Variants in MYOZ2 observed in about 807,000 individuals in gnomAD.
MYOZ2 encodes the protein myozenin 2.
Under a neutral mutation model 25.4 loss-of-function variants are expected in MYOZ2, and 19 were observed. That is an observed-to-expected ratio of 0.75 (90% CI 0.52 to 1.10). MYOZ2 has a LOEUF of 1.10. MYOZ2 is among the 50% of genes least tolerant of loss of function. The pLI is 0.00. For synonymous variants in MYOZ2, 92 were observed against 106.9 expected (o/e 0.86, Z 0.86); for missense variants, 270 against 317.9 (o/e 0.85, Z 1.15).
In MYOZ2 at chr4:119,187,178, C is replaced by A. The variant is rs953080206; in HGVS notation, c.*978C>A. The A allele has an allele frequency of 1.3e-5, 2 of 152,068 alleles. No homozygotes were observed. The highest frequency in any genetic ancestry group is 4.8e-5 in the African/African-American group (2 of 41,400). 9.4% of individuals were successfully genotyped at this position (152,068 alleles called of 1,614,324 possible). On this transcript the variant is annotated 3_prime_UTR_variant, in exon 6 of 6. Coordinates refer to ENST00000307128, the MANE Select transcript of MYOZ2 (RefSeq NM_016599.5). ...TATCTGAAAGCAATGTAGCACATAT[C>A]TATCGTAATATATGTAATATATTGA... is the stretch of plus-strand genomic sequence containing the variant.
intron 2 of MYOZ2, among the ~76,000 whole-genome samples, chr4:119,145,313 G>A (rs891268854): frequency 1.5e-5 from 2 of 134,800 alleles, no homozygotes; most frequent in African/African-American, 5.7e-5. Flanking sequence ...ATATTGTTTT[G>A]TAATTTTTTC....
rs1349408042 is a variant in MYOZ2, at chr4:119,158,146, C to A, written c.371C>A (p.Ala124Asp). 2.5e-6 allele frequency: 4 copies of A among 1,614,050 alleles called. No homozygotes were observed. Among genetic ancestry groups the A allele is most frequent in the Non-Finnish European group, 3.4e-6 (4 of 1,179,964 alleles). Residue 124 changes from alanine to aspartate, a missense_variant, in exon 4 of 6, where the codon GCT (alanine) becomes GAT (aspartate). By Grantham distance (126) the Ala-to-Asp change is moderately radical. Transcript: ENST00000307128. ...AGCCCTCCAAATCCAGACAACATTG[C>A]TCCAGGTAACCAATCCCCTTACCAA... ...PRSPPNPDNI[A>D]PGYSGPLKEI... is the part of the protein sequence containing the mutation.
chr4:119,178,904 G>A (rs1742133378), intron 5 of MYOZ2, among the ~76,000 whole-genome samples: 1 of 152,170 alleles, frequency 6.6e-6, no homozygotes, highest in African/African-American at 2.4e-5. Context: ...ACCGTGCCCG[G>A]CTATTCAGTC....
chr4:119,175,050 A>G (rs2149228251), intron 5 of MYOZ2, among the ~76,000 whole-genome samples: 1 of 152,106 alleles, frequency 6.6e-6, no homozygotes, highest in South Asian at 2.1e-4. Context: ...AGAAGGAACA[A>G]ACTCCAGACA....
intron 2 of MYOZ2, among the ~76,000 whole-genome samples, chr4:119,139,901 TG>T (rs5861413): frequency 1.3e-5 from 2 of 152,036 alleles, no homozygotes; most frequent in East Asian, 3.9e-4. Context: ...TCCTCATGAC[TG>T]GGCAACAGCT....
chr4:119,145,779 A>T (rs1741279337), intron 2 of MYOZ2, among the ~76,000 whole-genome samples: 1 of 152,132 alleles, frequency 6.6e-6, no homozygotes, highest in African/African-American at 2.4e-5. Context: ...AGATTATGTG[A>T]CATTGGTGAT....
chr4:119,184,427 A>G (rs1205657211), intron 5 of MYOZ2, among the ~76,000 whole-genome samples: 1 of 152,220 alleles, frequency 6.6e-6, no homozygotes, highest in Non-Finnish European at 1.5e-5. Context: ...TACTTTAGCC[A>G]TACTGTACAT....
At chr4:119,152,399 G>C (rs1741476075) in intron 3 of MYOZ2, among the ~76,000 whole-genome samples, 1 of 152,020 alleles carries the variant, frequency 6.6e-6, no homozygotes, top group South Asian at 2.1e-4. Context: ...GCTTACGGAA[G>C]TCTTTGAAAA....
In MYOZ2 at chr4:119,186,231, T is replaced by G; in HGVS notation, c.*31T>G. The G allele has an allele frequency of 6.4e-7, 1 of 1,569,296 alleles. No homozygotes were observed. Among genetic ancestry groups the G allele is most frequent in the Non-Finnish European group, 8.8e-7 (1 of 1,141,164 alleles). ...AAGTTGTATGTGCCACATAAAACTC[T>G]GAATATAAAAGTTGCTGTTCTACTA... is the stretch of plus-strand genomic sequence containing the variant. On this transcript the variant is annotated 3_prime_UTR_variant, in exon 6 of 6. Transcript: ENST00000307128.
intron 5 of MYOZ2, among the ~76,000 whole-genome samples, chr4:119,171,309 G>A (rs1010220380): frequency 9.9e-5 from 15 of 151,904 alleles, no homozygotes; most frequent in Admixed American, 3.9e-4. Context: ...AAAGGTCATC[G>A]TTAATAGTTA....
At chr4:119,162,593 G>A (rs1377049744) in intron 4 of MYOZ2, among the ~76,000 whole-genome samples, 1 of 152,198 alleles carries the variant, frequency 6.6e-6, no homozygotes, top group East Asian at 1.9e-4. Flanking sequence ...AGATTTGTAT[G>A]AGAGTTTGTT....
intron 4 of MYOZ2, among the ~76,000 whole-genome samples, chr4:119,159,296 T>G (rs1430185751): frequency 6.6e-6 from 1 of 151,900 alleles, no homozygotes; most frequent in African/African-American, 2.4e-5. Context: ...CAAAAAAGAA[T>G]TAAGCCCAGA....
At chr4:119,161,009 T>C (rs1310082849) in intron 4 of MYOZ2, among the ~76,000 whole-genome samples, 4 of 152,072 alleles carry the variant, frequency 2.6e-5, no homozygotes, top group Non-Finnish European at 5.9e-5. Flanking sequence ...TGTCTAGCTA[T>C]AATTTTGCAT....
intron 5 of MYOZ2, among the ~76,000 whole-genome samples, chr4:119,183,080 T>G (rs550953236): frequency 1.1e-4 from 16 of 152,148 alleles, no homozygotes; most frequent in Non-Finnish European, 1.2e-4. Flanking sequence ...TTTTAAATAA[T>G]CACAATATTA....
At chr4:119,150,844 T>A (rs1278878941) in intron 2 of MYOZ2, 28 bp from the exon 3 acceptor site, 4 of 1,607,636 alleles carry the variant, frequency 2.5e-6, no homozygotes, top group Non-Finnish European at 3.4e-6. Context: ...ACCTTGGGAT[T>A]TTTACTCATA....
intron 5 of MYOZ2, among the ~76,000 whole-genome samples, chr4:119,165,619 A>G (rs1741807201): frequency 6.6e-6 from 1 of 152,206 alleles, no homozygotes; most frequent in African/African-American, 2.4e-5. Flanking sequence ...AAAGAGGTGT[A>G]CCATAGAATT....
At chr4:119,165,173 T>G (rs1359683990) in intron 5 of MYOZ2, among the ~76,000 whole-genome samples, 1 of 151,264 alleles carries the variant, frequency 6.6e-6, no homozygotes, top group Non-Finnish European at 1.5e-5. Flanking sequence ...GTAAATTTTT[T>G]TATTTAAAAA....
intron 5 of MYOZ2, among the ~76,000 whole-genome samples, chr4:119,170,400 A>G (rs1741924341): frequency 1.3e-5 from 2 of 152,010 alleles, no homozygotes; most frequent in South Asian, 4.2e-4. Flanking sequence ...TAGGGGCTAG[A>G]GGGTATTGTG....
intron 5 of MYOZ2, among the ~76,000 whole-genome samples, chr4:119,172,572 G>A (rs1350164302): frequency 6.6e-6 from 1 of 152,154 alleles, no homozygotes; most frequent in Admixed American, 6.5e-5. Flanking sequence ...ACTGTTCTAA[G>A]GTTTTACCAT....
Sources: allele counts gnomAD v4.1 joint callset (sites outside exome capture counted in the v4.1 genomes callset), GRCh38; gene constraint gnomAD v4.1.1; transcripts MANE v1.5; gene names NCBI Gene and HGNC (gene_info 2026-07-23, HGNC 2026-07-21).